The following ATOSA variants were observed in gnomAD, a reference collection of about 807,000 sequenced individuals.
ATOSA encodes the protein atos homolog A.
chr15:52,671,091 G>A, the ATOSA span, among the ~76,000 whole-genome samples: 1 of 152,148 alleles, frequency 6.6e-6, no homozygotes, highest in African/African-American at 2.4e-5. Flanking sequence ...ACATCAGAGA[G>A]CTTCTAGCAA....
At chr15:52,606,529 CAT>C in the ATOSA span, among the ~76,000 whole-genome samples, 6 of 151,956 alleles carry the variant, frequency 3.9e-5, no homozygotes, top group African/African-American at 1.5e-4. Context: ...AGTAAGCCAA[CAT>C]GTGTAAAATA....
At chr15:52,679,801 C>T in the ATOSA span, among the ~76,000 whole-genome samples, 1 of 108,358 alleles carries the variant, frequency 9.2e-6, no homozygotes, top group South Asian at 4.2e-4. Context: ...CCTCCCCCCT[C>T]CCCCTCCTTC....
At chr15:52,674,311 A>G in the ATOSA span, among the ~76,000 whole-genome samples, 1 of 152,158 alleles carries the variant, frequency 6.6e-6, no homozygotes, top group African/African-American at 2.4e-5. Context: ...TCGGGCTCCC[A>G]AAGTGCTGGG....
chr15:52,593,521 A>G, the ATOSA span: 2 of 1,466,484 alleles, frequency 1.4e-6, no homozygotes, highest in Non-Finnish European at 1.8e-6. Context: ...AAGCACTTAA[A>G]TTTGTCATTA....
chr15:52,592,091 A>AAG, the ATOSA span, among the ~76,000 whole-genome samples: 10 of 152,186 alleles, frequency 6.6e-5, no homozygotes, highest in Admixed American at 5.9e-4. Flanking sequence ...AGGTTCCTAA[A>AAG]AGTAGCTTCC....
At chr15:52,631,311 A>ACTGTTTTGTAACT in the ATOSA span, among the ~76,000 whole-genome samples, 3 of 152,198 alleles carry the variant, frequency 2.0e-5, no homozygotes, top group African/African-American at 7.2e-5. Context: ...GTGAAAAATA[A>ACTGTTTTGTAACT]GCACTGTGCT....
At chr15:52,692,174 A>G in the ATOSA span, among the ~76,000 whole-genome samples, 1 of 152,224 alleles carries the variant, frequency 6.6e-6, no homozygotes, top group Admixed American at 6.5e-5. Context: ...TTAAAGGAAT[A>G]TTACATCATG....
At chr15:52,673,375 G>A in the ATOSA span, among the ~76,000 whole-genome samples, 2 of 152,200 alleles carry the variant, frequency 1.3e-5, no homozygotes, top group African/African-American at 2.4e-5. Context: ...CAGTCAGGGA[G>A]CTTAAGAGCA....
the ATOSA span, among the ~76,000 whole-genome samples, chr15:52,597,784 T>C: frequency 6.6e-6 from 1 of 152,132 alleles, no homozygotes; most frequent in African/African-American, 2.4e-5. Flanking sequence ...AGAAGAATTG[T>C]CTTGGGGCAT....
the ATOSA span, among the ~76,000 whole-genome samples, chr15:52,637,260 CTTCTG>C: frequency 1.3e-5 from 2 of 151,970 alleles, no homozygotes; most frequent in Non-Finnish European, 2.9e-5. Context: ...AAAAAGAAAT[CTTCTG>C]TTCTATGGCA....
chr15:52,603,393 T>C, the ATOSA span, among the ~76,000 whole-genome samples: 1 of 152,146 alleles, frequency 6.6e-6, no homozygotes, highest in Non-Finnish European at 1.5e-5. Flanking sequence ...TGTAAATTAG[T>C]ACAGCTACTG....
At chr15:52,667,644 T>A in the ATOSA span, among the ~76,000 whole-genome samples, 31 of 152,188 alleles carry the variant, frequency 2.0e-4, no homozygotes, top group African/African-American at 7.0e-4. Context: ...ATGGCTGATT[T>A]CAAGTAACCA....
chr15:52,623,637 G>T, the ATOSA span, among the ~76,000 whole-genome samples: 1 of 152,066 alleles, frequency 6.6e-6, no homozygotes. Context: ...TCAAACACTG[G>T]TAAGGTTTAA....
chr15:52,609,952 C>T, the ATOSA span: 1 of 1,612,514 alleles, frequency 6.2e-7, no homozygotes. Flanking sequence ...ACCTATACCA[C>T]TAAAGCCTAG....
chr15:52,611,225 C>A, the ATOSA span: 3 of 1,613,620 alleles, frequency 1.9e-6, no homozygotes, highest in East Asian at 2.2e-5. Flanking sequence ...CCAACAGAAG[C>A]GTCTTCTCTT....
At chr15:52,653,470 T>TAAGC in the ATOSA span, among the ~76,000 whole-genome samples, 1 of 152,148 alleles carries the variant, frequency 6.6e-6, no homozygotes, top group Non-Finnish European at 1.5e-5. Context: ...GGAGAGCTGC[T>TAAGC]AAGCCCCCTG....
At chr15:52,635,831 A>T in the ATOSA span, among the ~76,000 whole-genome samples, 3 of 151,794 alleles carry the variant, frequency 2.0e-5, no homozygotes, top group Non-Finnish European at 2.9e-5. Context: ...CCCCATCTCT[A>T]CTAAAAATAC....
At chr15:52,667,832 G>A in the ATOSA span, among the ~76,000 whole-genome samples, 1 of 152,162 alleles carries the variant, frequency 6.6e-6, no homozygotes, top group Non-Finnish European at 1.5e-5. Context: ...AATAACCAGA[G>A]AAATGCAAAT....
At chr15:52,629,091 G>C in the ATOSA span, among the ~76,000 whole-genome samples, 1 of 152,140 alleles carries the variant, frequency 6.6e-6, no homozygotes, top group Non-Finnish European at 1.5e-5. Context: ...CTTCCTGGCT[G>C]CTTAATAATC....
Sources: allele counts gnomAD v4.1 joint callset (sites outside exome capture counted in the v4.1 genomes callset), GRCh38; gene constraint gnomAD v4.1.1; transcripts MANE v1.5; gene names NCBI Gene and HGNC (gene_info 2026-07-23, HGNC 2026-07-21).